Variants in SARDH observed in about 807,000 individuals in gnomAD.
SARDH encodes the protein sarcosine dehydrogenase.
Under a neutral mutation model 109.1 loss-of-function variants are expected in SARDH, and 95 were observed. That is an observed-to-expected ratio of 0.87 (90% CI 0.74 to 1.03). SARDH has a LOEUF of 1.03. SARDH is among the 50% of genes least tolerant of loss of function. The pLI is 0.00. For synonymous variants in SARDH, 572 were observed against 534.8 expected (o/e 1.07, Z -0.96); for missense variants, 1,267 against 1,287.8 (o/e 0.98, Z 0.25).
chr9:133,693,089 C>T lies in SARDH; in HGVS notation c.1921+1169G>A, dbSNP rs943092298. On this transcript the variant is annotated intron_variant, in intron 15 of 20. Transcript: ENST00000439388. This position sits in a 1 kb window ranked among gnomAD's most constrained non-coding sequence, Gnocchi z 5.6. ...CTGGCCCCCAATATCCCACCCCCTC[C>T]GGTCTTCATTTTTCCTCTTGACCCA... is the stretch of plus-strand genomic sequence containing the variant. Among the ~76,000 whole-genome samples, 7 of 151,936 alleles carry T rather than the reference C, an allele frequency of 4.6e-5. No individual in the cohort carries two copies. Among genetic ancestry groups the T allele is most frequent in the Admixed American group, 2.0e-4 (3 of 15,268 alleles).
At chr9:133,683,083 G>A (rs938935026) in intron 17 of SARDH, among the ~76,000 whole-genome samples, 7 of 152,202 alleles carry the variant, frequency 4.6e-5, no homozygotes, top group Non-Finnish European at 1.0e-4. Context: ...ATGTCATCCC[G>A]GAAGCAGAGC....
intron 17 of SARDH, among the ~76,000 whole-genome samples, chr9:133,672,185 C>T (rs745410453): frequency 1.3e-4 from 20 of 152,210 alleles, no homozygotes; most frequent in Admixed American, 2.6e-4. Flanking sequence ...CTTGTGGCTG[C>T]ACCACTGCGA....
At chr9:133,676,959 C>T (rs940168312) in intron 17 of SARDH, among the ~76,000 whole-genome samples, 20 of 152,232 alleles carry the variant, frequency 1.3e-4, no homozygotes, top group Non-Finnish European at 2.6e-4. Flanking sequence ...GCCAACACAG[C>T]GAAACCCCAT....
rs1320076197 is a variant in SARDH at position 133,713,055 on chromosome 9, C to T, written c.1220G>A (p.Cys407Tyr). ...APELRGFFLG[C>Y]GFNSAGMMLG... ...GGACTCACCTGCGCTGTTGAAGCCA[C>T]AGCCCAGGAAGAACCCTCGGAGCTC... Residue 407 changes from cysteine to tyrosine, a missense_variant, in exon 9 of 21, where the codon TGT (cysteine) becomes TAT (tyrosine). By Grantham distance (194) the Cys-to-Tyr change is radical. Transcript: ENST00000439388. 1 of 1,612,486 alleles carries T rather than the reference C, an allele frequency of 6.2e-7. No homozygotes were observed. Among genetic ancestry groups the T allele is most frequent in the Non-Finnish European group, 8.5e-7 (1 of 1,179,676 alleles).
At chr9:133,680,048 T>C (rs1830644283) in intron 17 of SARDH, among the ~76,000 whole-genome samples, 1 of 152,222 alleles carries the variant, frequency 6.6e-6, no homozygotes, top group Non-Finnish European at 1.5e-5. Flanking sequence ...TTCTTCACGT[T>C]GAGGGATATG....
chr9:133,701,053 C>T (rs377044638), intron 13 of SARDH, among the ~76,000 whole-genome samples: 1 of 152,232 alleles, frequency 6.6e-6, no homozygotes, highest in Non-Finnish European at 1.5e-5. Context: ...CTCAGGGAGG[C>T]CAGGGATGGT....
At position 133,685,312 on chromosome 9, in the gene SARDH, G is replaced by C. The variant is rs749726623; in HGVS notation, c.2070-26C>G. The stretch of plus-strand genomic sequence containing the variant: ...CTGCAGGCAAGAGCAAAGTCGCTCA[G>C]TCAGCAAGTGCTCACGGGTGGGGCC... On this transcript the variant is annotated intron_variant, in intron 16 of 20. Coordinates refer to ENST00000439388, the MANE Select transcript of SARDH (RefSeq NM_001134707.2). 2.4e-5 allele frequency: 39 copies of C among 1,604,730 alleles called. 1 individual carries two copies. The South Asian group carries it at 3.2e-4, about 13-fold the overall frequency.
Position 133,663,910 on chromosome 9 carries a change from CTTG to C in SARDH, c.2733_2735del (p.Asn911del), listed in dbSNP as rs761315674. ...GCCCTCAGTAGATTCCCTTCACCCT[CTTG>C]TTGTTGGGGTCGAAGGGCGACTTCA... On this transcript the variant is annotated inframe_deletion, in exon 21 of 21. Transcript: ENST00000439388. 25 of 1,614,038 alleles carry C rather than the reference CTTG, an allele frequency of 1.5e-5. No homozygotes were observed. Among genetic ancestry groups the C allele is most frequent in the Middle Eastern group, 1.6e-4 (1 of 6,084 alleles).
At chr9:133,727,377 A>G (rs2254109) in intron 6 of SARDH, among the ~76,000 whole-genome samples, 132,031 of 152,236 alleles carry the variant, frequency 0.87, 57,572 homozygotes, top group Admixed American at 0.92. Flanking sequence ...TGATCAGGGT[A>G]GACAGCGTCC....
chr9:133,663,032 C>T (rs1335583808), downstream of SARDH, among the ~76,000 whole-genome samples: 1 of 152,216 alleles, frequency 6.6e-6, no homozygotes, highest in Non-Finnish European at 1.5e-5. Flanking sequence ...GAGGGTCCTC[C>T]TGCAAGGGCC....
At chr9:133,722,824 A>C (rs868753367) in intron 6 of SARDH, among the ~76,000 whole-genome samples, 2 of 151,814 alleles carry the variant, frequency 1.3e-5, no homozygotes, top group Non-Finnish European at 2.9e-5. Context: ...ATGCCTGACT[A>C]ATTTTTGTGT....
Position 133,732,503 on chromosome 9 carries a change from G to A in SARDH, c.430C>T (p.His144Tyr), listed in dbSNP as rs1330895371. 6.2e-7 allele frequency: 1 copy of A among 1,613,810 alleles called. No homozygotes were observed. Among genetic ancestry groups the A allele is most frequent in the Non-Finnish European group, 8.5e-7 (1 of 1,179,926 alleles). Residue 144 changes from histidine (H) to tyrosine (Y), a missense_variant, in exon 3 of 21, where the codon CAC (histidine) becomes TAC (tyrosine). Transcript: ENST00000439388. ...SRELEEETGLHTGWIQNGGLF... is the reference protein window; with the variant it reads ...SRELEEETGLYTGWIQNGGLF... ...CCCCCATTCTGGATCCAGCCCGTGT[G>A]TAGTCCCGTCTCCTCCTCCAGCTCC...
Position 133,702,928 on chromosome 9 carries a change from G to T in SARDH, c.1656C>A (p.Pro552=). Residue 552 remains proline (P), a synonymous_variant, in exon 13 of 21, where the codon CCC becomes CCA. Transcript: ENST00000439388. ...CCCAGCTACGCACCGTGTCGTGGTG[G>T]GGCGGGAAGGCGAAGGTGTACTCGT... ...LADEYTFAFP[P]HHDTIKKECL... 1 of 1,612,224 alleles carries T rather than the reference G, an allele frequency of 6.2e-7. No homozygotes were observed.
chr9:133,738,986 T>A (rs1194858749), upstream of SARDH, among the ~76,000 whole-genome samples: 1 of 152,172 alleles, frequency 6.6e-6, no homozygotes, highest in Non-Finnish European at 1.5e-5. Flanking sequence ...CCAGCCTCCA[T>A]TGACTGTTGG....
intron 1 of SARDH, among the ~76,000 whole-genome samples, chr9:133,734,839 C>A (rs1472748117): frequency 1.3e-5 from 2 of 152,218 alleles, no homozygotes; most frequent in African/African-American, 4.8e-5. Flanking sequence ...TCCCGCCAGC[C>A]TTGAGAGCCC....
At chr9:133,664,743 G>GA (rs1162716998) in intron 20 of SARDH, among the ~76,000 whole-genome samples, 1 of 152,098 alleles carries the variant, frequency 6.6e-6, no homozygotes, top group Non-Finnish European at 1.5e-5. Context: ...AGGACTGGAT[G>GA]AAAAAAATAA....
At chr9:133,702,606 G>C (rs1485021215) in intron 13 of SARDH, among the ~76,000 whole-genome samples, 2 of 152,222 alleles carry the variant, frequency 1.3e-5, no homozygotes, top group Non-Finnish European at 2.9e-5. Flanking sequence ...GCGGGAGGCG[G>C]AGGCTCAGAG....
At position 133,718,589 on chromosome 9, in the gene SARDH, G is replaced by C. The variant is rs761242270; in HGVS notation, c.1020+349C>G. 51 of 759,986 alleles carry C rather than the reference G, an allele frequency of 6.7e-5. No individual in the cohort carries two copies. Among genetic ancestry groups the C allele is most frequent in the Non-Finnish European group, 1.2e-4 (49 of 410,924 alleles). The allele number at this position is 759,986 out of a possible 1,614,324, so 47.1% of individuals were successfully genotyped here. A position where few individuals can be genotyped will look rare whatever the true frequency, so the allele number is the denominator to read the frequency against. On this transcript the variant is annotated intron_variant, in intron 7 of 20. Transcript: ENST00000439388. This position sits in a 1 kb window ranked among gnomAD's most constrained non-coding sequence, Gnocchi z 4.2. ...TGCCCGGGAAACAGCCCAGGCCAGG[G>C]GAAATGCCGCTGCAGCAGCTGGTTG...
rs1245254525 is a variant in SARDH, at chr9:133,704,446, TC to T, written c.1554+501del. Among the ~76,000 whole-genome samples the T allele has an allele frequency of 1.4e-4, 21 of 151,764 alleles. No individual in the cohort carries two copies. The highest frequency in any genetic ancestry group is 5.1e-4 in the African/African-American group (21 of 41,338). On this transcript the variant is annotated intron_variant, in intron 12 of 20. Transcript: ENST00000439388. The surrounding 1 kb of genome is among the most constrained non-coding windows in gnomAD (Gnocchi z 4.5). ...CACTGAGGACCCAGGTCCCTGGGAG[TC>T]CCCAGAGGACGCCCAGAGTCCAGGC...
Sources: allele counts gnomAD v4.1 joint callset (sites outside exome capture counted in the v4.1 genomes callset), GRCh38; gene constraint gnomAD v4.1.1; non-coding constraint Gnocchi (gnomAD v3.1); transcripts MANE v1.5; gene names NCBI Gene and HGNC (gene_info 2026-07-23, HGNC 2026-07-21).